The following ADGRD1 variants were observed in gnomAD, a reference collection of about 807,000 sequenced individuals.
The protein encoded by ADGRD1 is adhesion G protein-coupled receptor D1, also known as G-protein coupled receptor 133.
A neutral mutation model predicts 113.4 loss-of-function variants in ADGRD1; 77 were observed. The ratio of observed to expected loss-of-function variants is 0.68; its 90% CI spans 0.57 to 0.82. The LOEUF (loss-of-function observed/expected upper bound fraction) is 0.82, where lower values mean the gene tolerates loss of function less well. Ranked by LOEUF, ADGRD1 falls within the 40% of genes least tolerant of loss-of-function variation. ADGRD1 has a pLI of 0.00. For synonymous variants in ADGRD1, 474 were observed against 475.0 expected (o/e 1.00, Z 0.03); for missense variants, 1,036 against 1,139.1 (o/e 0.91, Z 1.30).
chr12:131,016,181 G>T (rs539140989), intron 13 of ADGRD1, among the ~76,000 whole-genome samples: 14 of 152,364 alleles, frequency 9.2e-5, no homozygotes, highest in Admixed American at 5.2e-4. Flanking sequence ...TCTTTGCGCT[G>T]TATTAGCACA....
chr12:131,087,131 C>G (rs939550773), intron 15 of ADGRD1, among the ~76,000 whole-genome samples: 2 of 152,186 alleles, frequency 1.3e-5, no homozygotes, highest in African/African-American at 4.8e-5. Flanking sequence ...GTCTTGAACT[C>G]CTGGCTTCAA....
chr12:131,086,635 G>A (rs1418294525), intron 15 of ADGRD1, among the ~76,000 whole-genome samples: 1 of 152,228 alleles, frequency 6.6e-6, no homozygotes, highest in African/African-American at 2.4e-5. Flanking sequence ...AAAATAAAAT[G>A]GCAGATGCTC....
intron 20 of ADGRD1, among the ~76,000 whole-genome samples, chr12:131,127,154 A>G (rs1950756581): frequency 6.6e-6 from 1 of 152,256 alleles, no homozygotes; most frequent in South Asian, 2.1e-4. Context: ...TTTGGAGAAA[A>G]AGGAAAGATG....
In ADGRD1 at chr12:131,140,640, C is replaced by T. The variant is rs1171427839; in HGVS notation, c.*1377C>T. 6.6e-6 allele frequency: 1 copy of T among 152,254 alleles called. No homozygotes were observed. Among genetic ancestry groups the T allele is most frequent in the East Asian group, 1.9e-4 (1 of 5,200 alleles). 9.4% of individuals were successfully genotyped at this position (152,254 alleles called of 1,614,324 possible). ...ATTCAGCCCCTCCACACCCCTATGT[C>T]TGCCTTGTTTCAGAGTGAGTTTTCT... On this transcript the variant is annotated 3_prime_UTR_variant, in exon 25 of 25. Transcript: ENST00000261654.
chr12:131,085,965 C>T (rs1461898889), intron 15 of ADGRD1, among the ~76,000 whole-genome samples: 1 of 152,172 alleles, frequency 6.6e-6, no homozygotes, highest in African/African-American at 2.4e-5. Context: ...GTCTAGGGCT[C>T]TTCAGGGTGG....
At chr12:131,019,982 C>T (rs879129978) in intron 13 of ADGRD1, among the ~76,000 whole-genome samples, 1 of 49,248 alleles carries the variant, frequency 2.0e-5, no homozygotes, top group Non-Finnish European at 4.6e-5. Flanking sequence ...AGGGGGTGCT[C>T]GAGAGAGATA....
chr12:130,991,202 A>G, intron 7 of ADGRD1, 124 bp downstream of exon 7: 1 of 712,266 alleles, frequency 1.4e-6, no homozygotes, highest in Non-Finnish European at 2.4e-6. Context: ...TTGTCTGGGA[A>G]GAAATAACAA....
intron 17 of ADGRD1, 48 bp downstream of exon 17, chr12:131,105,913 C>G (rs1950227377): frequency 7.2e-7 from 1 of 1,390,708 alleles, no homozygotes; most frequent in Non-Finnish European, 1.0e-6. Context: ...CCCTTGCCTC[C>G]TCGGATGTCA....
At chr12:131,032,448 C>G (rs941633964) in intron 13 of ADGRD1, among the ~76,000 whole-genome samples, 3 of 151,730 alleles carry the variant, frequency 2.0e-5, no homozygotes, top group Non-Finnish European at 4.4e-5. Flanking sequence ...CCTCCGCTGA[C>G]ACGTCCCCCA....
chr12:131,000,243 A>T (rs1211287173), intron 8 of ADGRD1, 140 bp from the exon 9 acceptor site: 3 of 676,896 alleles, frequency 4.4e-6, no homozygotes, highest in Non-Finnish European at 8.3e-6. Context: ...TCCATGACTC[A>T]GCTATTTTTG....
At position 131,093,536 on chromosome 12, in the gene ADGRD1, G is replaced by T. The variant is rs117328529; in HGVS notation, c.1671+8873G>T. On this transcript the variant is annotated intron_variant, in intron 15 of 24. Transcript: ENST00000261654. Reference sequence around the variant, plus strand: ...GGGCACAGGGCGGGCAGTGGCAGGGGCCTGAATTACACGGTGTTGCTGGGA... The same window carrying T: ...GGGCACAGGGCGGGCAGTGGCAGGGTCCTGAATTACACGGTGTTGCTGGGA... Among the ~76,000 whole-genome samples the T allele has an allele frequency of 6.9e-3, 1,056 of 152,324 alleles. 9 individuals carry two copies. Among genetic ancestry groups the T allele is most frequent in the Non-Finnish European group, 0.012 (790 of 68,034 alleles).
intron 15 of ADGRD1, among the ~76,000 whole-genome samples, chr12:131,095,125 C>G (rs7968150): frequency 1.0e-3 from 156 of 152,354 alleles, no homozygotes; most frequent in African/African-American, 3.5e-3. Context: ...TCAGTCCCCC[C>G]GACTCTCAGG....
intron 8 of ADGRD1, among the ~76,000 whole-genome samples, chr12:130,998,808 A>G (rs1642135703): frequency 6.6e-6 from 1 of 152,182 alleles, no homozygotes; most frequent in African/African-American, 2.4e-5. Flanking sequence ...TCACCTGTCC[A>G]CTAGCAGCTG....
chr12:131,015,342 A>G (rs1452860051), intron 13 of ADGRD1, among the ~76,000 whole-genome samples: 1 of 151,474 alleles, frequency 6.6e-6, no homozygotes, highest in African/African-American at 2.4e-5. Context: ...GGAGGTGCGG[A>G]TGGAGATGGG....
At chr12:131,009,094 T>C (rs1593348797) in intron 12 of ADGRD1, among the ~76,000 whole-genome samples, 1 of 151,946 alleles carries the variant, frequency 6.6e-6, no homozygotes, top group Non-Finnish European at 1.5e-5. Context: ...GGTCGGAGGG[T>C]GCCTGGTGAT....
chr12:131,141,209 C>T lies in ADGRD1; in HGVS notation c.*1946C>T, dbSNP rs1951237775. 6.6e-6 allele frequency: 1 copy of T among 152,192 alleles called. No homozygotes were observed. Among genetic ancestry groups the T allele is most frequent in the Non-Finnish European group, 1.5e-5 (1 of 68,038 alleles). The allele number at this position is 152,192 out of a possible 1,614,324, so 9.4% of individuals were successfully genotyped here. ...TGTTTTTAATTGTTGCCGTATTCAT[C>T]TATATAGCTAATATTTCAAGATAAG... On this transcript the variant is annotated 3_prime_UTR_variant, in exon 25 of 25. Coordinates refer to ENST00000261654, the MANE Select transcript of ADGRD1 (RefSeq NM_198827.5).
At chr12:131,106,632 C>A (rs908588292) in intron 17 of ADGRD1, among the ~76,000 whole-genome samples, 3 of 152,210 alleles carry the variant, frequency 2.0e-5, no homozygotes, top group Admixed American at 6.5e-5. Context: ...AAGATGAACG[C>A]TTTATCCCAT....
chr12:131,038,170 T>C (rs1593095039), intron 13 of ADGRD1, among the ~76,000 whole-genome samples: 1 of 152,230 alleles, frequency 6.6e-6, no homozygotes, highest in East Asian at 1.9e-4. Context: ...TTGCTCTAAC[T>C]GTTGAGACGT....
At chr12:131,073,721 AC>A in intron 13 of ADGRD1, among the ~76,000 whole-genome samples, 1 of 152,160 alleles carries the variant, frequency 6.6e-6, no homozygotes, top group African/African-American at 2.4e-5. Flanking sequence ...TCTGGTGAAC[AC>A]CTTGTGCTGC....
Sources: gnomAD v4.1 joint callset for allele counts (sites outside exome capture counted in the v4.1 genomes callset) on GRCh38, gnomAD v4.1.1 for gene constraint, MANE v1.5 for transcripts, NCBI Gene and HGNC (gene_info 2026-07-23, HGNC 2026-07-21) for gene names.